DYNC2H1: variants seen among roughly 807,000 people sequenced by gnomAD.
DYNC2H1 encodes the protein cytoplasmic dynein 2 heavy chain 1.
DYNC2H1 carries 410 observed loss-of-function variants against 570.0 expected under a neutral mutation model. That is an observed-to-expected ratio of 0.72 (90% CI 0.66 to 0.78). DYNC2H1 has a LOEUF of 0.78. Ranked by LOEUF, DYNC2H1 falls within the 30% of genes least tolerant of loss-of-function variation. The probability of loss-of-function intolerance (pLI) is 0.00; values close to 1 mark genes in which losing one functional copy is unlikely to be tolerated. For missense variants in DYNC2H1, 4,865 were observed against 5,046.4 expected, an observed-to-expected ratio of 0.96 and a Z score of 1.09; for synonymous variants, 1,688 against 1,677.6, an observed-to-expected ratio of 1.01 and a Z score of -0.15.
chr11:103,364,678 T>C (rs1940817655), intron 83 of DYNC2H1, among the ~76,000 whole-genome samples: 1 of 152,040 alleles, frequency 6.6e-6, no homozygotes, highest in South Asian at 2.1e-4. Flanking sequence ...TAGGTTGTGG[T>C]TCCAACATCA....
chr11:103,277,331 G>GT lies in DYNC2H1; in HGVS notation c.10696-3012dup, dbSNP rs1204410064. Among the ~76,000 whole-genome samples the GT allele has an allele frequency of 6.6e-6, 1 of 151,656 alleles. No individual in the cohort carries two copies. Among genetic ancestry groups the GT allele is most frequent in the African/African-American group, 2.4e-5 (1 of 41,274 alleles). Reference sequence around the variant, plus strand: ...ATTTTAATGTGGGTAATTTCCTTCGGTTTTTCTTTCATTTTACTTATATTT... The same window carrying GT: ...ATTTTAATGTGGGTAATTTCCTTCGGTTTTTTCTTTCATTTTACTTATATTT... On this transcript the variant is annotated intron_variant, in intron 70 of 88. Transcript: ENST00000375735. This position sits in a 1 kb window ranked among gnomAD's most constrained non-coding sequence, Gnocchi z 4.3.
chr11:103,353,498 A>G (rs1193082973), intron 82 of DYNC2H1, among the ~76,000 whole-genome samples: 4 of 152,154 alleles, frequency 2.6e-5, no homozygotes, highest in Non-Finnish European at 5.9e-5. Context: ...TATTATCTAC[A>G]ACATCTGTGT....
rs745676088 is a variant in DYNC2H1, at chr11:103,154,681, T to G, written c.3459-14T>G. 1 of 1,566,190 alleles carries G rather than the reference T, an allele frequency of 6.4e-7. No homozygotes were observed. Among genetic ancestry groups the G allele is most frequent in the Non-Finnish European group, 8.6e-7 (1 of 1,156,374 alleles). ...TGGATGTAATCTTTGCAATGTGTTT[T>G]TGGTATTTTATAGGACTAAGACATA... On this transcript the variant is annotated splice_polypyrimidine_tract_variant and intron_variant, in intron 23 of 88. Coordinates refer to ENST00000375735, the MANE Select transcript of DYNC2H1 (RefSeq NM_001377.3).
rs1374903849 is a variant in DYNC2H1 at position 103,472,832 on chromosome 11, A to G, written c.12765+4127A>G. Among the ~76,000 whole-genome samples the G allele has an allele frequency of 2.0e-5, 3 of 152,050 alleles. No homozygotes were observed. The East Asian group carries it at 5.8e-4, about 29-fold the overall frequency. On this transcript the variant is annotated intron_variant, in intron 88 of 88. Transcript: ENST00000375735. The surrounding 1 kb of genome is among the most constrained non-coding windows in gnomAD (Gnocchi z 4.1). Reference sequence around the variant, plus strand: ...TTTGGTAACTAAACTTTTTTTTTACACCAGAAGGAGGTTATTTCACAAATT... The same window carrying G: ...TTTGGTAACTAAACTTTTTTTTTACGCCAGAAGGAGGTTATTTCACAAATT...
rs1424098674 is a variant in DYNC2H1, at chr11:103,283,006, A to G, written c.10813-2A>G. ...TAAGGAAAATAATTGCTTTTATTAA[A>G]GGACTCTCAACAAAAAATACGTGAT... On this transcript the variant is annotated splice_acceptor_variant, in intron 72 of 88. Coordinates refer to ENST00000375735, the MANE Select transcript of DYNC2H1 (RefSeq NM_001377.3). LOFTEE classifies it high-confidence loss of function. 2.5e-6 allele frequency: 4 copies of G among 1,596,988 alleles called. No homozygotes were observed. In the Admixed American group the frequency reaches 5.1e-5, roughly 21 times the overall value.
chr11:103,176,223 A>C lies in DYNC2H1; in HGVS notation c.5675-12A>C. 2.1e-6 allele frequency: 3 copies of C among 1,461,516 alleles called. No homozygotes were observed. The highest frequency in any genetic ancestry group is 2.7e-6 in the Non-Finnish European group (3 of 1,113,376). 90.5% of individuals were successfully genotyped at this position (1,461,516 alleles called of 1,614,324 possible). A position where few individuals can be genotyped will look rare whatever the true frequency, so the allele number is the denominator to read the frequency against. On this transcript the variant is annotated splice_polypyrimidine_tract_variant and intron_variant, in intron 36 of 88. Coordinates refer to ENST00000375735, the MANE Select transcript of DYNC2H1 (RefSeq NM_001377.3). ...TAATAATAAATAATTTTAAAATGAA[A>C]CTTTTTTCTAGCTAATGAAAGTCAT...
Position 103,323,886 on chromosome 11 carries a change from G to A in DYNC2H1, c.11935G>A (p.Asp3979Asn), listed in dbSNP as rs80043281. 6.2e-7 allele frequency: 1 copy of A among 1,607,936 alleles called. No individual in the cohort carries two copies. Among genetic ancestry groups the A allele is most frequent in the Non-Finnish European group, 8.5e-7 (1 of 1,176,688 alleles). The change falls in exon 82 of 89, where the codon GAC (aspartate) becomes AAC (asparagine). Residue 3979 changes from aspartate to asparagine, a missense_variant and splice_region_variant. This residue lies in a region of DYNC2H1 where 2,401 missense variants were observed against 2,454.6 expected (regional missense o/e 0.98). Transcript: ENST00000375735. ...VSLPQSCSIL[D>N]YRAVIEKIPE... The stretch of plus-strand genomic sequence containing the variant: ...CTGTTTTTCACTTCTTTATATTTAG[G>A]ACTATCGTGCTGTCATTGAGAAAAT...
intron 84 of DYNC2H1, among the ~76,000 whole-genome samples, chr11:103,422,762 C>T (rs1477610563): frequency 9.9e-5 from 15 of 152,202 alleles, no homozygotes; most frequent in Admixed American, 5.9e-4. Flanking sequence ...AAGTATTCCC[C>T]TTGAAAACTG....
chr11:103,163,321 G>A lies in DYNC2H1; in HGVS notation c.4611+174G>A, dbSNP rs1223142283. 6.6e-6 allele frequency among the ~76,000 whole-genome samples: 1 copy of A among 152,166 alleles called. No homozygotes were observed. Among genetic ancestry groups the A allele is most frequent in the Non-Finnish European group, 1.5e-5 (1 of 68,020 alleles). ...CCTTCAGCTGTAAAATGTGGGGGATGAATTGAGATCCAAGCAACCTAGGCC... is the reference window on the plus strand; with the variant it reads ...CCTTCAGCTGTAAAATGTGGGGGATAAATTGAGATCCAAGCAACCTAGGCC... On this transcript the variant is annotated intron_variant, in intron 30 of 88. Transcript: ENST00000375735. The surrounding 1 kb of genome is among the most constrained non-coding windows in gnomAD (Gnocchi z 4.6).
intron 75 of DYNC2H1, among the ~76,000 whole-genome samples, chr11:103,288,380 A>G (rs1565465804): frequency 6.6e-6 from 1 of 152,058 alleles, no homozygotes; most frequent in East Asian, 1.9e-4. Flanking sequence ...TCTAACCTAT[A>G]AGCTATCCTT....
chr11:103,319,661 G>C lies in DYNC2H1; in HGVS notation c.11726-1368G>C, dbSNP rs899852594. 5.9e-5 allele frequency among the ~76,000 whole-genome samples: 9 copies of C among 152,092 alleles called. No individual in the cohort carries two copies. The highest frequency in any genetic ancestry group is 2.2e-4 in the African/African-American group (9 of 41,512). ...CATAAAATTTGTTTTGAGAAAAATA[G>C]GTAGAAAAAAATAAGATTTTCTTAT... On this transcript the variant is annotated intron_variant, in intron 80 of 88. Transcript: ENST00000375735. The surrounding 1 kb of genome is among the most constrained non-coding windows in gnomAD (Gnocchi z 4.3).
intron 75 of DYNC2H1, among the ~76,000 whole-genome samples, chr11:103,298,478 T>C (rs999202650): frequency 7.2e-5 from 11 of 152,160 alleles, no homozygotes; most frequent in African/African-American, 2.7e-4. Context: ...TCAAATGACA[T>C]TCAAGGTTTA....
rs373353418 is a variant in DYNC2H1, at chr11:103,158,757, C to T, written c.4208C>T (p.Thr1403Ile). ...GCTGGAATAAGAAATTCTCTACTAA[C>T]AATACTTGATCAGCTTCAAAGATGT... ...THAGIRNSLL[T>I]ILDQLQRCQK... is the part of the protein sequence containing the mutation. Residue 1403 changes from threonine (T) to isoleucine (I), a missense_variant, in exon 27 of 89, where the codon ACA becomes ATA. Transcript: ENST00000375735. 17 of 1,512,060 alleles carry T rather than the reference C, an allele frequency of 1.1e-5. No individual in the cohort carries two copies. Among genetic ancestry groups the T allele is most frequent in the African/African-American group, 4.2e-5 (3 of 72,250 alleles). The allele number at this position is 1,512,060 out of a possible 1,614,324, so 93.7% of individuals were successfully genotyped here. A position where few individuals can be genotyped will look rare whatever the true frequency, so the allele number is the denominator to read the frequency against.
intron 22 of DYNC2H1, among the ~76,000 whole-genome samples, chr11:103,153,763 C>T (rs2134881175): frequency 6.6e-6 from 1 of 151,936 alleles, no homozygotes; most frequent in East Asian, 1.9e-4. Context: ...AGGGTTAGAA[C>T]TGTCACTTTC....
intron 47 of DYNC2H1, among the ~76,000 whole-genome samples, chr11:103,194,328 A>G (rs1862433282): frequency 6.6e-6 from 1 of 152,036 alleles, no homozygotes; most frequent in African/African-American, 2.4e-5. Context: ...ACTGAAAGAC[A>G]TCTGGGTTGT....
chr11:103,267,996 T>A (rs1424293143), intron 70 of DYNC2H1, among the ~76,000 whole-genome samples: 1 of 152,066 alleles, frequency 6.6e-6, no homozygotes, highest in Non-Finnish European at 1.5e-5. Context: ...TCTCAGTGAA[T>A]ATTAGATTAT....
At chr11:103,173,398 C>T (rs1861656902) in intron 35 of DYNC2H1, 93 bp downstream of exon 35, 1 of 868,110 alleles carries the variant, frequency 1.2e-6, no homozygotes, top group Non-Finnish European at 1.6e-6. Flanking sequence ...CTCAATTCAC[C>T]TATTGCATGA....
chr11:103,251,462 A>G (rs939139802), intron 65 of DYNC2H1, among the ~76,000 whole-genome samples: 2 of 152,190 alleles, frequency 1.3e-5, no homozygotes, highest in Non-Finnish European at 2.9e-5. Flanking sequence ...TGAGATACAT[A>G]TATATCATAA....
rs1425209639 is a variant in DYNC2H1 at position 103,324,482 on chromosome 11, C to T, written c.12039+492C>T. Among the ~76,000 whole-genome samples the T allele has an allele frequency of 6.6e-6, 1 of 152,162 alleles. No homozygotes were observed. Among genetic ancestry groups the T allele is most frequent in the Non-Finnish European group, 1.5e-5 (1 of 68,010 alleles). ...AAAATGATCTCCAGCTCCATCCATC[C>T]TTGCTGTGAAGGACATGGTCTTGCT... On this transcript the variant is annotated intron_variant, in intron 82 of 88. Coordinates refer to ENST00000375735, the MANE Select transcript of DYNC2H1 (RefSeq NM_001377.3). The surrounding 1 kb of genome is among the most constrained non-coding windows in gnomAD (Gnocchi z 5.2).
Sources: allele counts gnomAD v4.1 joint callset (sites outside exome capture counted in the v4.1 genomes callset), GRCh38; gene constraint gnomAD v4.1.1; regional missense constraint gnomAD v4.1.1; non-coding constraint Gnocchi (gnomAD v3.1); transcripts MANE v1.5; gene names NCBI Gene and HGNC (gene_info 2026-07-23, HGNC 2026-07-21).